Variants in FEZ2 observed in about 807,000 individuals in gnomAD.
FEZ2 encodes the protein fasciculation and elongation protein zeta-2.
FEZ2 carries 51 observed loss-of-function variants against 40.4 expected under a neutral mutation model. That is an observed-to-expected ratio of 1.26 (90% CI 1.01 to 1.59). FEZ2 has a LOEUF of 1.59. FEZ2 is among the 40% of genes most tolerant of loss of function. The pLI is 0.00. For missense variants in FEZ2, 640 were observed against 438.3 expected (o/e 1.46, Z -4.11); for synonymous variants, 242 against 172.0 (o/e 1.41, Z -3.18).
chr2:36,553,960 G>A (rs1002641095), intron 7 of FEZ2, among the ~76,000 whole-genome samples: 2 of 152,194 alleles, frequency 1.3e-5, no homozygotes, highest in South Asian at 2.1e-4. Flanking sequence ...TCAATGACCC[G>A]ACTTCCCCAC....
At chr2:36,568,615 A>T (rs1275902672) in intron 5 of FEZ2, among the ~76,000 whole-genome samples, 1 of 152,212 alleles carries the variant, frequency 6.6e-6, no homozygotes, top group Non-Finnish European at 1.5e-5. Context: ...GCCCCCTCTC[A>T]GGATGGAATT....
At chr2:36,560,049 A>G (rs961448814) in intron 5 of FEZ2, among the ~76,000 whole-genome samples, 1 of 152,240 alleles carries the variant, frequency 6.6e-6, no homozygotes, top group Admixed American at 6.5e-5. Flanking sequence ...TCTGCACAGA[A>G]GAGCTAACTT....
chr2:36,561,810 T>C (rs1558442497), intron 5 of FEZ2, among the ~76,000 whole-genome samples: 1 of 152,150 alleles, frequency 6.6e-6, no homozygotes, highest in Non-Finnish European at 1.5e-5. Flanking sequence ...GTAAACACAT[T>C]TGAGGAGTCA....
intron 6 of FEZ2, chr2:36,557,480 C>G (rs934782747): frequency 2.0e-5 from 3 of 152,182 alleles, no homozygotes; most frequent in Non-Finnish European, 4.4e-5. Flanking sequence ...GCCCATTCCT[C>G]TTAAATTTCC....
chr2:36,567,852 G>T (rs928967504), intron 5 of FEZ2, among the ~76,000 whole-genome samples: 1 of 152,098 alleles, frequency 6.6e-6, no homozygotes, highest in Non-Finnish European at 1.5e-5. Flanking sequence ...TAAAGGAAAA[G>T]AGAGACCAGG....
Position 36,575,593 on chromosome 2 carries a change from C to T in FEZ2, c.903+3004G>A, listed in dbSNP as rs142829386. Among the ~76,000 whole-genome samples the T allele has an allele frequency of 1.7e-3, 263 of 152,250 alleles. 2 individuals are homozygous for T. The highest frequency in any genetic ancestry group is 6.2e-3 in the African/African-American group (257 of 41,550). On this transcript the variant is annotated intron_variant, in intron 5 of 7. Transcript: ENST00000405912. ...CATACAGCATTATGGTTATTTTAAA[C>T]CTAAAACTCCAATCAAAATCATATT...
intron 2 of FEZ2, among the ~76,000 whole-genome samples, chr2:36,588,609 T>C (rs929412575): frequency 6.6e-6 from 1 of 152,204 alleles, no homozygotes; most frequent in African/African-American, 2.4e-5. Context: ...CATCCCCCTA[T>C]AAGCTTTAAA....
intron 5 of FEZ2, among the ~76,000 whole-genome samples, chr2:36,566,641 T>C (rs900962664): frequency 1.3e-5 from 2 of 152,206 alleles, no homozygotes; most frequent in Non-Finnish European, 2.9e-5. Flanking sequence ...CAGATTTCTG[T>C]ATGAAACCAG....
chr2:36,565,883 C>T (rs1668222378), intron 5 of FEZ2, among the ~76,000 whole-genome samples: 1 of 152,100 alleles, frequency 6.6e-6, no homozygotes, highest in South Asian at 2.1e-4. Context: ...CCCATCCTTC[C>T]CCACCCTGCC....
At chr2:36,566,809 T>A (rs769613861) in intron 5 of FEZ2, among the ~76,000 whole-genome samples, 1 of 152,372 alleles carries the variant, frequency 6.6e-6, no homozygotes, top group East Asian at 1.9e-4. Context: ...CAAGGCCTGT[T>A]ACCTCACCTG....
intron 2 of FEZ2, among the ~76,000 whole-genome samples, chr2:36,588,766 T>C (rs1668981915): frequency 6.6e-6 from 1 of 152,138 alleles, no homozygotes; most frequent in African/African-American, 2.4e-5. Context: ...TGTGTTGTTA[T>C]TTTATTGTGG....
intron 4 of FEZ2, among the ~76,000 whole-genome samples, chr2:36,579,889 G>A (rs377444795): frequency 6.6e-6 from 1 of 152,128 alleles, no homozygotes; most frequent in South Asian, 2.1e-4. Context: ...ATGTGGAGAG[G>A]GGGTCTTTAA....
intron 1 of FEZ2, among the ~76,000 whole-genome samples, chr2:36,593,937 C>G (rs1669142754): frequency 6.6e-6 from 1 of 151,842 alleles, no homozygotes; most frequent in African/African-American, 2.4e-5. Context: ...TAATAGCACC[C>G]AAGTTACCTC....
chr2:36,563,126 T>G (rs1310556087), intron 5 of FEZ2, among the ~76,000 whole-genome samples: 1 of 152,160 alleles, frequency 6.6e-6, no homozygotes, highest in African/African-American at 2.4e-5. Flanking sequence ...GTAATTTAGG[T>G]TTTCTTTATT....
intron 6 of FEZ2, 163 bp downstream of exon 6, chr2:36,558,275 T>A: frequency 2.2e-6 from 1 of 456,070 alleles, no homozygotes; most frequent in Non-Finnish European, 4.0e-6. Context: ...GTATTTAATG[T>A]CACAGCCATT....
chr2:36,564,978 C>A (rs556729820), intron 5 of FEZ2, among the ~76,000 whole-genome samples: 1 of 152,150 alleles, frequency 6.6e-6, no homozygotes, highest in East Asian at 1.9e-4. Context: ...AGAGAGACAT[C>A]CCCTCATTTG....
At chr2:36,584,603 T>C (rs947449166) in intron 2 of FEZ2, among the ~76,000 whole-genome samples, 9 of 152,008 alleles carry the variant, frequency 5.9e-5, no homozygotes, top group Admixed American at 6.6e-5. Context: ...ACACACTGAG[T>C]TTCCAAAGAA....
At chr2:36,592,765 T>C (rs1001920588) in intron 1 of FEZ2, among the ~76,000 whole-genome samples, 1 of 152,050 alleles carries the variant, frequency 6.6e-6, no homozygotes, top group African/African-American at 2.4e-5. Flanking sequence ...TAGTGAGCTA[T>C]GATGGCACCA....
At chr2:36,568,128 C>T (rs1668299276) in intron 5 of FEZ2, among the ~76,000 whole-genome samples, 1 of 151,212 alleles carries the variant, frequency 6.6e-6, no homozygotes, top group Non-Finnish European at 1.5e-5. Context: ...AAGATTTTCT[C>T]TATGCTTAAA....
Sources: allele counts gnomAD v4.1 joint callset (sites outside exome capture counted in the v4.1 genomes callset), GRCh38; gene constraint gnomAD v4.1.1; transcripts MANE v1.5; gene names NCBI Gene and HGNC (gene_info 2026-07-23, HGNC 2026-07-21).